NTRK3: variants seen among roughly 807,000 people sequenced by gnomAD.
NTRK3 encodes the protein neurotrophic receptor tyrosine kinase 3.
Under a neutral mutation model 91.7 loss-of-function variants are expected in NTRK3, and 24 were observed. The ratio of observed to expected loss-of-function variants is 0.26; its 90% CI spans 0.19 to 0.37. The LOEUF is 0.37. NTRK3 is among the 10% of genes least tolerant of loss of function. The pLI is 1.00. For synonymous variants in NTRK3, 483 were observed against 404.0 expected (o/e 1.20, Z -2.34); for missense variants, 880 against 1,068.9 (o/e 0.82, Z 2.46).
chr15:88,046,923 G>A (rs915187113), intron 13 of NTRK3, among the ~76,000 whole-genome samples: 3 of 152,112 alleles, frequency 2.0e-5, no homozygotes, highest in Admixed American at 6.5e-5. Context: ...AAATAACACC[G>A]CATCAGTTCT....
intron 13 of NTRK3, among the ~76,000 whole-genome samples, chr15:88,073,961 A>G (rs898688136): frequency 3.9e-5 from 6 of 152,194 alleles, no homozygotes; most frequent in African/African-American, 1.4e-4. Context: ...CCAGGCAGGA[A>G]GATGTGTGGC....
At chr15:88,067,199 C>G (rs771320331) in intron 13 of NTRK3, among the ~76,000 whole-genome samples, 1 of 152,130 alleles carries the variant, frequency 6.6e-6, no homozygotes, top group Non-Finnish European at 1.5e-5. Context: ...TTCAGCACAG[C>G]CCCTCAGAGT....
At chr15:88,169,735 A>G (rs1409107956) in intron 5 of NTRK3, among the ~76,000 whole-genome samples, 1 of 152,058 alleles carries the variant, frequency 6.6e-6, no homozygotes, top group African/African-American at 2.4e-5. Context: ...CTGCAAATAT[A>G]CCAGGCTTTC....
intron 14 of NTRK3, among the ~76,000 whole-genome samples, chr15:87,972,371 G>T (rs2073329038): frequency 6.6e-6 from 1 of 152,188 alleles, no homozygotes; most frequent in African/African-American, 2.4e-5. Flanking sequence ...AAACTTGGAA[G>T]AAGACAAAAG....
intron 15 of NTRK3, among the ~76,000 whole-genome samples, chr15:87,939,512 A>G (rs1301511270): frequency 6.6e-6 from 1 of 152,196 alleles, no homozygotes; most frequent in African/African-American, 2.4e-5. Flanking sequence ...CTTCGAGGCT[A>G]TTTGCCCTCT....
chr15:88,203,199 T>C (rs935468600), intron 3 of NTRK3, among the ~76,000 whole-genome samples: 3 of 152,186 alleles, frequency 2.0e-5, no homozygotes, highest in Middle Eastern at 3.4e-3. Context: ...AGTTCCCCAT[T>C]CCCCTACCTA....
At chr15:87,894,020 G>C (rs1291990951) in intron 17 of NTRK3, among the ~76,000 whole-genome samples, 1 of 152,282 alleles carries the variant, frequency 6.6e-6, no homozygotes, top group Non-Finnish European at 1.5e-5. Context: ...TTGTCATAAA[G>C]GGTGTCATTT....
intron 13 of NTRK3, among the ~76,000 whole-genome samples, chr15:88,110,253 A>G (rs1432227766): frequency 6.6e-6 from 1 of 152,220 alleles, no homozygotes; most frequent in Non-Finnish European, 1.5e-5. Flanking sequence ...AAGAAAGAAG[A>G]TCAGGTAAAC....
intron 17 of NTRK3, among the ~76,000 whole-genome samples, chr15:87,885,179 T>C (rs2065469431): frequency 6.6e-6 from 1 of 151,926 alleles, no homozygotes; most frequent in African/African-American, 2.4e-5. Flanking sequence ...ACAGAAGTGT[T>C]TAAAACACCT....
chr15:88,038,976 A>G (rs1040818472), intron 13 of NTRK3, among the ~76,000 whole-genome samples: 3 of 152,160 alleles, frequency 2.0e-5, no homozygotes, highest in Non-Finnish European at 2.9e-5. Context: ...ACAGTGAAGA[A>G]TTTGTTAAGA....
chr15:87,880,199 T>C (rs2141464063), intron 18 of NTRK3, 71 bp downstream of exon 19: 1 of 1,597,494 alleles, frequency 6.3e-7, no homozygotes, highest in Non-Finnish European at 8.6e-7. Flanking sequence ...GTTCAGTAGG[T>C]CCAAGTTCTG....
At chr15:87,895,615 C>A (rs2066072629) in intron 17 of NTRK3, among the ~76,000 whole-genome samples, 1 of 152,116 alleles carries the variant, frequency 6.6e-6, no homozygotes, top group African/African-American at 2.4e-5. Flanking sequence ...TCTCCTTCCC[C>A]CTTTGTTTTC....
At chr15:87,978,635 C>G (rs1204264898) in intron 14 of NTRK3, 5 of 231,240 alleles carry the variant, frequency 2.2e-5, no homozygotes, top group Non-Finnish European at 4.3e-5. Context: ...AAGGAGTTTT[C>G]TAATGTCACA....
chr15:88,156,586 T>G (rs2043925016), intron 5 of NTRK3, among the ~76,000 whole-genome samples: 1 of 152,058 alleles, frequency 6.6e-6, no homozygotes, highest in East Asian at 1.9e-4. Flanking sequence ...CCACCGCACC[T>G]TTCATGCCCT....
intron 13 of NTRK3, among the ~76,000 whole-genome samples, chr15:88,108,562 C>A (rs565984693): frequency 1.1e-4 from 16 of 152,310 alleles, no homozygotes; most frequent in Middle Eastern, 6.8e-3. Flanking sequence ...CTGAAAGGGA[C>A]CTTGGAAGCC....
At chr15:87,991,308 GCATCTCAGGCTC>G (rs2075270547) in intron 14 of NTRK3, among the ~76,000 whole-genome samples, 2 of 152,270 alleles carry the variant, frequency 1.3e-5, no homozygotes, top group South Asian at 4.1e-4. Context: ...CAGAAATGCA[GCATCTCAGGCTC>G]CATCCAAAAC....
At chr15:87,954,652 C>T (rs2071486499) in intron 14 of NTRK3, among the ~76,000 whole-genome samples, 1 of 152,216 alleles carries the variant, frequency 6.6e-6, no homozygotes, top group South Asian at 2.1e-4. Context: ...ATTGAAGAGA[C>T]TTCCCCCAGA....
chr15:88,245,240 C>T (rs1326372147), intron 3 of NTRK3, among the ~76,000 whole-genome samples: 3 of 152,212 alleles, frequency 2.0e-5, no homozygotes, highest in Non-Finnish European at 2.9e-5. Flanking sequence ...CTCTTACAGA[C>T]TCCTGTGGAC....
At chr15:87,876,466 A>T (rs2064952889) in exon 19 of NTRK3, 1 of 227,842 alleles carries the variant, frequency 4.4e-6, no homozygotes, top group Admixed American at 5.7e-5. Flanking sequence ...GCACCACCTT[A>T]ACTCCTCCCG....
Sources: gnomAD v4.1 joint callset for allele counts (sites outside exome capture counted in the v4.1 genomes callset) on GRCh38, gnomAD v4.1.1 for gene constraint, MANE v1.5 for transcripts, NCBI Gene and HGNC (gene_info 2026-07-23, HGNC 2026-07-21) for gene names.